NR3C2: variants seen among roughly 807,000 people sequenced by gnomAD.
NR3C2 encodes the protein nuclear receptor subfamily 3 group C member 2.
A neutral mutation model predicts 86.4 loss-of-function variants in NR3C2; 15 were observed. The observed-to-expected ratio is 0.17, with a 90% CI of 0.12 to 0.27. NR3C2 has a LOEUF of 0.27. NR3C2 is among the 10% of genes least tolerant of loss of function. NR3C2 has a pLI of 1.00. For synonymous variants in NR3C2, 458 were observed against 450.5 expected, an observed-to-expected ratio of 1.02 and a Z score of -0.21; for missense variants, 960 against 1,195.6, an observed-to-expected ratio of 0.80 and a Z score of 2.91.
chr4:148,243,416 C>T (rs572126754), intron 3 of NR3C2, among the ~76,000 whole-genome samples: 3 of 152,256 alleles, frequency 2.0e-5, no homozygotes, highest in African/African-American at 7.2e-5. Context: ...TTTATTACAA[C>T]TCAGACTGAA....
intron 2 of NR3C2, among the ~76,000 whole-genome samples, chr4:148,393,767 C>T (rs757898543): frequency 2.0e-5 from 3 of 152,006 alleles, no homozygotes; most frequent in Non-Finnish European, 4.4e-5. Flanking sequence ...GTTTGTGATC[C>T]CTGGTCTAGA....
At chr4:148,416,503 T>C (rs995568253) in intron 2 of NR3C2, among the ~76,000 whole-genome samples, 4 of 152,268 alleles carry the variant, frequency 2.6e-5, no homozygotes, top group East Asian at 3.9e-4. Flanking sequence ...GCTGATAAAG[T>C]GGTAAAACTG....
At chr4:148,173,300 A>C (rs1735220236) in intron 4 of NR3C2, among the ~76,000 whole-genome samples, 1 of 152,208 alleles carries the variant, frequency 6.6e-6, no homozygotes, top group Non-Finnish European at 1.5e-5. Flanking sequence ...GGAACTCTGA[A>C]GATTAAATCA....
chr4:148,165,080 G>A (rs947614351), intron 4 of NR3C2, among the ~76,000 whole-genome samples: 3 of 152,176 alleles, frequency 2.0e-5, no homozygotes, highest in African/African-American at 7.2e-5. Flanking sequence ...GTTACACTAA[G>A]TAATAGTTTT....
At chr4:148,344,645 T>C (rs1744904433) in intron 2 of NR3C2, among the ~76,000 whole-genome samples, 1 of 152,198 alleles carries the variant, frequency 6.6e-6, no homozygotes, top group Non-Finnish European at 1.5e-5. Flanking sequence ...TTACCTCCAC[T>C]GCTTCTCTAT....
chr4:148,423,763 C>CACGATCTCAGCTCACTGCA (rs1749395864), intron 2 of NR3C2, among the ~76,000 whole-genome samples: 1 of 152,222 alleles, frequency 6.6e-6, no homozygotes, highest in African/African-American at 2.4e-5. Context: ...AGTGCAGTGG[C>CACGATCTCAGCTCACTGCA]ACGATCTCAG....
At chr4:148,206,453 A>C (rs1737010437) in intron 3 of NR3C2, among the ~76,000 whole-genome samples, 1 of 152,170 alleles carries the variant, frequency 6.6e-6, no homozygotes. Flanking sequence ...CAAGTTACCT[A>C]CTTAGCTTGT....
intron 8 of NR3C2, among the ~76,000 whole-genome samples, chr4:148,090,929 T>A (rs529071208): frequency 3.3e-5 from 5 of 152,236 alleles, no homozygotes; most frequent in Admixed American, 2.0e-4. Context: ...GCAGGTGGCA[T>A]TGGCCTGGCA....
intron 2 of NR3C2, among the ~76,000 whole-genome samples, chr4:148,329,663 C>A (rs1744138023): frequency 1.3e-5 from 2 of 152,352 alleles, no homozygotes; most frequent in South Asian, 4.1e-4. Flanking sequence ...CAGCTTCATG[C>A]AACTCCTGCA....
intron 5 of NR3C2, 109 bp downstream of exon 5, chr4:148,154,442 C>T: frequency 1.0e-6 from 1 of 993,226 alleles, no homozygotes; most frequent in Admixed American, 1.7e-5. Context: ...AATCTGATAT[C>T]AGGATTTCAT....
intron 2 of NR3C2, among the ~76,000 whole-genome samples, chr4:148,300,099 C>T (rs1198527492): frequency 6.6e-6 from 1 of 152,122 alleles, no homozygotes; most frequent in East Asian, 1.9e-4. Flanking sequence ...TGAAGCTGGC[C>T]CAGCAAACTG....
chr4:148,200,353 C>A (rs1030809924), intron 3 of NR3C2, among the ~76,000 whole-genome samples: 2 of 151,838 alleles, frequency 1.3e-5, no homozygotes, highest in Non-Finnish European at 2.9e-5. Context: ...ATCCCCACCC[C>A]CCACACAGCC....
At chr4:148,365,589 T>C (rs1473245720) in intron 2 of NR3C2, among the ~76,000 whole-genome samples, 1 of 152,086 alleles carries the variant, frequency 6.6e-6, no homozygotes, top group African/African-American at 2.4e-5. Flanking sequence ...TTTTAAAATG[T>C]GATACAGTAA....
chr4:148,203,733 G>A (rs1736856503), intron 3 of NR3C2, among the ~76,000 whole-genome samples: 1 of 149,124 alleles, frequency 6.7e-6, no homozygotes, highest in South Asian at 2.1e-4. Context: ...TTCATTGTTG[G>A]AGCCAACTAA....
intron 3 of NR3C2, among the ~76,000 whole-genome samples, chr4:148,223,379 T>G (rs981273515): frequency 1.3e-5 from 2 of 152,184 alleles, no homozygotes; most frequent in African/African-American, 2.4e-5. Flanking sequence ...TTCATACAGA[T>G]TTTTTAATTC....
chr4:148,269,311 A>G (rs1234805362), intron 2 of NR3C2, among the ~76,000 whole-genome samples: 1 of 152,196 alleles, frequency 6.6e-6, no homozygotes, highest in African/African-American at 2.4e-5. Flanking sequence ...ACAAGACTGA[A>G]GGCTCACCAT....
chr4:148,211,239 A>C lies in NR3C2; in HGVS notation c.1898-16377T>G, dbSNP rs556941034. On this transcript the variant is annotated intron_variant, in intron 3 of 8. Coordinates refer to ENST00000358102, the MANE Select transcript of NR3C2 (RefSeq NM_000901.5). ...CTTACAAAAGAATACTTCTAAGGCAAGTACTCCAGGAGATAAATAAAACCC... is the reference window on the plus strand; with the variant it reads ...CTTACAAAAGAATACTTCTAAGGCACGTACTCCAGGAGATAAATAAAACCC... Among the ~76,000 whole-genome samples the C allele has an allele frequency of 2.0e-5, 3 of 152,386 alleles. No homozygotes were observed. In the East Asian group the frequency reaches 5.8e-4, roughly 29 times the overall value.
intron 2 of NR3C2, among the ~76,000 whole-genome samples, chr4:148,335,561 C>T (rs1234235505): frequency 3.3e-5 from 5 of 152,032 alleles, no homozygotes; most frequent in Admixed American, 2.6e-4. Flanking sequence ...TCAGAGTGCC[C>T]AATGTGTTCG....
At chr4:148,393,923 C>G (rs1249034285) in intron 2 of NR3C2, among the ~76,000 whole-genome samples, 1 of 152,286 alleles carries the variant, frequency 6.6e-6, no homozygotes, top group Middle Eastern at 3.4e-3. Flanking sequence ...CCCCTTGTGT[C>G]TTGGCTGGCC....
Sources: gnomAD v4.1 joint callset for allele counts (sites outside exome capture counted in the v4.1 genomes callset) on GRCh38, gnomAD v4.1.1 for gene constraint, MANE v1.5 for transcripts, NCBI Gene and HGNC (gene_info 2026-07-23, HGNC 2026-07-21) for gene names.